SGCZ: variants seen among roughly 807,000 people sequenced by gnomAD.
The protein encoded by SGCZ is zeta-sarcoglycan.
A neutral mutation model predicts 41.3 loss-of-function variants in SGCZ; 40 were observed. That is an observed-to-expected ratio of 0.97 (90% confidence interval 0.75 to 1.26). The LOEUF is 1.26. Ranked by LOEUF, SGCZ falls within the 50% of genes most tolerant of loss-of-function variation. The pLI is 0.00. For missense variants in SGCZ, 552 were observed against 369.8 expected, an observed-to-expected ratio of 1.49 and a Z score of -4.04; for synonymous variants, 206 against 137.5, an observed-to-expected ratio of 1.50 and a Z score of -3.49.
intron 3 of SGCZ, among the ~76,000 whole-genome samples, chr8:14,283,918 CTT>C (rs1800533252): frequency 6.6e-6 from 1 of 152,102 alleles, no homozygotes; most frequent in African/African-American, 2.4e-5. Context: ...AGAATTTGTT[CTT>C]GTTTAAAACT....
intron 3 of SGCZ, among the ~76,000 whole-genome samples, chr8:14,239,524 T>C (rs1251946702): frequency 3.3e-5 from 5 of 152,152 alleles, no homozygotes; most frequent in Admixed American, 3.3e-4. Flanking sequence ...ATGTTTTTAT[T>C]TGAGTTACTA....
chr8:14,866,888 G>C (rs973743433), intron 1 of SGCZ, among the ~76,000 whole-genome samples: 2 of 152,148 alleles, frequency 1.3e-5, no homozygotes, highest in African/African-American at 4.8e-5. Context: ...GTGGGATAAA[G>C]CAGGAAAGCC....
chr8:14,780,277 A>C (rs1222203473), intron 1 of SGCZ, among the ~76,000 whole-genome samples: 1 of 150,944 alleles, frequency 6.6e-6, no homozygotes, highest in Non-Finnish European at 1.5e-5. Flanking sequence ...CGGGAGGCTG[A>C]GGCAGGAGAA....
rs74643655 is a variant in SGCZ, at chr8:14,302,682, A to G, written c.336+21421T>C. On this transcript the variant is annotated intron_variant, in intron 3 of 7. Transcript: ENST00000382080. ...AAGGCCTGCCGAATACTTCTATTAA[A>G]ATGTCTCACTGGGATTCAAGCTTCA... 5.3e-3 allele frequency among the ~76,000 whole-genome samples: 802 copies of G among 152,204 alleles called. 6 individuals are homozygous for G. Among genetic ancestry groups the G allele is most frequent in the Non-Finnish European group, 9.3e-3 (632 of 68,016 alleles).
chr8:14,878,343 T>C (rs920977712), intron 1 of SGCZ, among the ~76,000 whole-genome samples: 1 of 151,990 alleles, frequency 6.6e-6, no homozygotes, highest in African/African-American at 2.4e-5. Context: ...TCCCACATTT[T>C]GCAGATATAT....
At chr8:14,995,114 A>G (rs1325481312) in intron 1 of SGCZ, among the ~76,000 whole-genome samples, 1 of 152,256 alleles carries the variant, frequency 6.6e-6, no homozygotes, top group East Asian at 1.9e-4. Context: ...AGAAGTCAAT[A>G]AAGGGAGTGC....
chr8:14,279,675 G>A (rs1392615924), intron 3 of SGCZ, among the ~76,000 whole-genome samples: 1 of 151,922 alleles, frequency 6.6e-6, no homozygotes, highest in Non-Finnish European at 1.5e-5. Flanking sequence ...GCTTCGGGCA[G>A]GTTAAAGTCA....
At chr8:14,724,296 C>T (rs972197627) in intron 1 of SGCZ, among the ~76,000 whole-genome samples, 1 of 150,508 alleles carries the variant, frequency 6.6e-6, no homozygotes. Context: ...TGTGTACATA[C>T]ATAAGTGTAT....
intron 1 of SGCZ, among the ~76,000 whole-genome samples, chr8:14,830,066 T>G (rs569494241): frequency 1.3e-5 from 2 of 152,330 alleles, no homozygotes; most frequent in African/African-American, 4.8e-5. Flanking sequence ...CGCCTTGGCC[T>G]CCCAAAGTGC....
intron 1 of SGCZ, among the ~76,000 whole-genome samples, chr8:14,855,563 G>A (rs1459038838): frequency 6.6e-6 from 1 of 152,046 alleles, no homozygotes; most frequent in Non-Finnish European, 1.5e-5. Flanking sequence ...TCATCTCTAG[G>A]CATCCCTTCT....
At chr8:15,030,185 G>A (rs1468172218) in intron 1 of SGCZ, among the ~76,000 whole-genome samples, 1 of 152,092 alleles carries the variant, frequency 6.6e-6, no homozygotes, top group Non-Finnish European at 1.5e-5. Context: ...AAAGGGCGCT[G>A]AAAATAAATG....
intron 1 of SGCZ, among the ~76,000 whole-genome samples, chr8:14,717,084 T>G (rs553350546): frequency 1.3e-5 from 2 of 152,066 alleles, no homozygotes; most frequent in Non-Finnish European, 2.9e-5. Context: ...ATTTCATGAT[T>G]TATAAAGTTG....
At chr8:14,989,789 T>G (rs2130892109) in intron 1 of SGCZ, among the ~76,000 whole-genome samples, 1 of 152,308 alleles carries the variant, frequency 6.6e-6, no homozygotes, top group South Asian at 2.1e-4. Context: ...TTCATCTTTT[T>G]CATATCCTGT....
intron 1 of SGCZ, among the ~76,000 whole-genome samples, chr8:14,884,564 G>C (rs947501353): frequency 6.6e-6 from 1 of 151,680 alleles, no homozygotes; most frequent in African/African-American, 2.4e-5. Flanking sequence ...TCCTACAAAG[G>C]AGAAATCAAA....
intron 1 of SGCZ, among the ~76,000 whole-genome samples, chr8:15,010,760 C>T (rs139018808): frequency 3.3e-5 from 5 of 152,224 alleles, no homozygotes; most frequent in Non-Finnish European, 5.9e-5. Context: ...GTTAGAAAAG[C>T]GTATCAGAAG....
intron 1 of SGCZ, among the ~76,000 whole-genome samples, chr8:14,665,473 A>G (rs1807881005): frequency 6.6e-6 from 1 of 152,160 alleles, no homozygotes; most frequent in South Asian, 2.1e-4. Flanking sequence ...CAGTAAACAT[A>G]CGTGTGCGTG....
At chr8:14,562,547 G>A (rs1167326041) in intron 1 of SGCZ, among the ~76,000 whole-genome samples, 2 of 152,244 alleles carry the variant, frequency 1.3e-5, no homozygotes, top group East Asian at 3.9e-4. Flanking sequence ...TAAAATGGTA[G>A]AAAGAGAATA....
In SGCZ at chr8:14,213,644, C is replaced by T. The variant is rs73528753; in HGVS notation, c.424+23948G>A. Among the ~76,000 whole-genome samples the T allele has an allele frequency of 2.5e-3, 387 of 151,832 alleles. 2 individuals carry two copies. Among genetic ancestry groups the T allele is most frequent in the African/African-American group, 8.7e-3 (360 of 41,470 alleles). Reference sequence around the variant, plus strand: ...ACAAAAAACAAAAAAAAATGGTAAACGTAGAACAAATATAATAGACCTCAT... The same window carrying T: ...ACAAAAAACAAAAAAAAATGGTAAATGTAGAACAAATATAATAGACCTCAT... On this transcript the variant is annotated intron_variant, in intron 4 of 7. Transcript: ENST00000382080.
chr8:14,610,360 C>G (rs1460402575), intron 1 of SGCZ, among the ~76,000 whole-genome samples: 1 of 152,168 alleles, frequency 6.6e-6, no homozygotes, highest in Non-Finnish European at 1.5e-5. Flanking sequence ...GATGGAGAGT[C>G]AGAACTGAGA....
Sources: allele counts gnomAD v4.1 joint callset (sites outside exome capture counted in the v4.1 genomes callset), GRCh38; gene constraint gnomAD v4.1.1; transcripts MANE v1.5; gene names NCBI Gene and HGNC (gene_info 2026-07-23, HGNC 2026-07-21).